COX7B2: variants seen among roughly 807,000 people sequenced by gnomAD.
The protein encoded by COX7B2 is cytochrome c oxidase subunit 7B2.
For missense variants in COX7B2, 109 were observed against 95.9 expected (o/e 1.14, Z -0.57); for synonymous variants, 37 against 32.1 (o/e 1.15, Z -0.51).
intron 2 of COX7B2, among the ~76,000 whole-genome samples, chr4:46,742,304 T>A (rs1714763129): frequency 6.6e-6 from 1 of 152,106 alleles, no homozygotes; most frequent in Non-Finnish European, 1.5e-5. Flanking sequence ...TACAGCTTCA[T>A]GATATCAATG....
At chr4:46,806,821 C>T (rs1427538004) in intron 2 of COX7B2, among the ~76,000 whole-genome samples, 1 of 151,998 alleles carries the variant, frequency 6.6e-6, no homozygotes, top group Non-Finnish European at 1.5e-5. Context: ...TGTCTCCAGG[C>T]TAATCCATGT....
At chr4:46,775,098 A>AT (rs1454353443) in intron 2 of COX7B2, among the ~76,000 whole-genome samples, 1 of 152,110 alleles carries the variant, frequency 6.6e-6, no homozygotes, top group Non-Finnish European at 1.5e-5. Context: ...AGACATTGTA[A>AT]GTGATACTGC....
At chr4:46,762,434 A>G (rs1165420341) in intron 2 of COX7B2, among the ~76,000 whole-genome samples, 1 of 137,718 alleles carries the variant, frequency 7.3e-6, no homozygotes, top group East Asian at 2.0e-4. Flanking sequence ...TATTTACTAT[A>G]TATACTGTAT....
chr4:46,816,395 G>A (rs1235375132), intron 2 of COX7B2, among the ~76,000 whole-genome samples: 1 of 151,936 alleles, frequency 6.6e-6, no homozygotes, highest in Admixed American at 6.6e-5. Flanking sequence ...ACTAAAATGC[G>A]ACCACATTTG....
At chr4:46,769,845 G>A (rs770273306) in intron 2 of COX7B2, among the ~76,000 whole-genome samples, 2 of 152,004 alleles carry the variant, frequency 1.3e-5, no homozygotes, top group Non-Finnish European at 1.5e-5. Context: ...AATGTTCCTC[G>A]AAAAAATAAA....
chr4:46,784,811 A>G lies in COX7B2; in HGVS notation c.-49-49570T>C, dbSNP rs73813587. Among the ~76,000 whole-genome samples the G allele has an allele frequency of 8.0e-3, 1,221 of 152,332 alleles. 18 individuals carry two copies. Among genetic ancestry groups the G allele is most frequent in the African/African-American group, 0.027 (1,140 of 41,570 alleles). On this transcript the variant is annotated intron_variant, in intron 2 of 2. Coordinates refer to ENST00000355591, the MANE Select transcript of COX7B2 (RefSeq NM_130902.3). ...TGTTGATTGCTTAGCTTTATATTTA[A>G]TGCCATCCAGAAGTACTGCTTACAC...
intron 1 of COX7B2, among the ~76,000 whole-genome samples, chr4:46,898,323 AG>A (rs1719886721): frequency 6.6e-6 from 1 of 152,184 alleles, no homozygotes; most frequent in Non-Finnish European, 1.5e-5. Flanking sequence ...CTTCTCCAAA[AG>A]CCAAATCTAT....
chr4:46,870,983 A>G (rs1209966095), intron 1 of COX7B2, among the ~76,000 whole-genome samples: 2 of 152,102 alleles, frequency 1.3e-5, no homozygotes, highest in African/African-American at 4.8e-5. Flanking sequence ...CTAGAAAAAA[A>G]AAAACTATTT....
chr4:46,762,894 C>T (rs909470137), intron 2 of COX7B2, among the ~76,000 whole-genome samples: 8 of 143,526 alleles, frequency 5.6e-5, no homozygotes, highest in African/African-American at 2.1e-4. Context: ...CACAATCACA[C>T]TGTTCATATG....
At chr4:46,850,158 A>T (rs571212197) in intron 1 of COX7B2, among the ~76,000 whole-genome samples, 19 of 151,952 alleles carry the variant, frequency 1.3e-4, no homozygotes, top group African/African-American at 3.6e-4. Context: ...AAAATGATTT[A>T]AAAATAATGA....
intron 2 of COX7B2, among the ~76,000 whole-genome samples, chr4:46,824,446 T>A (rs533820430): frequency 1.8e-4 from 27 of 152,248 alleles, no homozygotes; most frequent in Admixed American, 1.7e-3. Flanking sequence ...TGAATCAGCC[T>A]CACTTGTACC....
chr4:46,824,291 G>A (rs528500579), intron 2 of COX7B2, among the ~76,000 whole-genome samples: 3 of 152,242 alleles, frequency 2.0e-5, no homozygotes, highest in South Asian at 4.1e-4. Context: ...AACTGAGGAG[G>A]AGGGACTCTT....
At chr4:46,756,442 G>C (rs545096021) in intron 2 of COX7B2, among the ~76,000 whole-genome samples, 6 of 151,806 alleles carry the variant, frequency 4.0e-5, no homozygotes, top group Admixed American at 2.0e-4. Context: ...AACAAAAATA[G>C]ACAAATTGAA....
At position 46,820,837 on chromosome 4, in the gene COX7B2, AT is replaced by A. The variant is rs1714228915; in HGVS notation, c.-50+24122del. ...ACTCCATCTCAAAAAAAAAAAAAAT[AT>A]ATATATATATATATAGATAGATAGA... On this transcript the variant is annotated intron_variant, in intron 2 of 2. Transcript: ENST00000355591. Among the ~76,000 whole-genome samples the A allele has an allele frequency of 4.8e-3, 655 of 136,246 alleles. 8 individuals carry two copies. Among genetic ancestry groups the A allele is most frequent in the African/African-American group, 0.017 (629 of 37,520 alleles). The allele number at this position is 136,246 out of a possible 152,430, so 89.4% of individuals were successfully genotyped here.
intron 2 of COX7B2, among the ~76,000 whole-genome samples, chr4:46,804,196 G>A (rs533568750): frequency 4.6e-5 from 7 of 152,282 alleles, no homozygotes; most frequent in East Asian, 1.9e-4. Flanking sequence ...GAGTGAAGCC[G>A]CAGACCTTCA....
chr4:46,786,215 G>A (rs1052666615), intron 2 of COX7B2, among the ~76,000 whole-genome samples: 3 of 152,086 alleles, frequency 2.0e-5, no homozygotes, highest in Non-Finnish European at 4.4e-5. Flanking sequence ...TGCCATTCCT[G>A]CTCTTTATAA....
At chr4:46,750,394 A>G (rs1465135174) in intron 2 of COX7B2, among the ~76,000 whole-genome samples, 1 of 152,166 alleles carries the variant, frequency 6.6e-6, no homozygotes, top group Non-Finnish European at 1.5e-5. Flanking sequence ...CTTTGTCTCA[A>G]AACAAAAACA....
chr4:46,903,000 C>T (rs556164099), intron 1 of COX7B2, among the ~76,000 whole-genome samples: 78 of 152,260 alleles, frequency 5.1e-4, no homozygotes, highest in Non-Finnish European at 9.4e-4. Context: ...TAGCATAATA[C>T]ATCAGGGTCC....
chr4:46,752,008 C>A (rs1715414846), intron 2 of COX7B2, among the ~76,000 whole-genome samples: 1 of 152,068 alleles, frequency 6.6e-6, no homozygotes, highest in South Asian at 2.1e-4. Flanking sequence ...TTACCTTGGG[C>A]AGTATGGCTA....
Sources: allele counts gnomAD v4.1 joint callset (sites outside exome capture counted in the v4.1 genomes callset), GRCh38; gene constraint gnomAD v4.1.1; transcripts MANE v1.5; gene names NCBI Gene and HGNC (gene_info 2026-07-23, HGNC 2026-07-21).